Variants in ICA1L observed in about 807,000 individuals in gnomAD.
The protein encoded by ICA1L is islet cell autoantigen 1 like.
Under a neutral mutation model 61.3 loss-of-function variants are expected in ICA1L, and 50 were observed. That is an observed-to-expected ratio of 0.82 (90% confidence interval 0.65 to 1.03). The LOEUF (loss-of-function observed/expected upper bound fraction) is 1.03. ICA1L is among the 50% of genes least tolerant of loss of function. The pLI is 0.00. For synonymous variants in ICA1L, 161 were observed against 191.3 expected, an observed-to-expected ratio of 0.84 and a Z score of 1.31; for missense variants, 508 against 556.7, an observed-to-expected ratio of 0.91 and a Z score of 0.88.
At chr2:202,826,716 T>C (rs1281427633) in intron 2 of ICA1L, among the ~76,000 whole-genome samples, 1 of 152,020 alleles carries the variant, frequency 6.6e-6, no homozygotes, top group Non-Finnish European at 1.5e-5. Context: ...GTGATCCACC[T>C]GCCTCAGCCT....
At chr2:202,865,258 C>T (rs1687462579) in intron 1 of ICA1L, among the ~76,000 whole-genome samples, 1 of 151,816 alleles carries the variant, frequency 6.6e-6, no homozygotes, top group Admixed American at 6.6e-5. Flanking sequence ...CACTTGAGGT[C>T]AGGGGTTCAA....
chr2:202,799,878 C>CTTTT (rs768203103), intron 9 of ICA1L, among the ~76,000 whole-genome samples: 1 of 133,952 alleles, frequency 7.5e-6, no homozygotes, highest in Non-Finnish European at 1.6e-5. Context: ...CTGCTTTATA[C>CTTTT]TTTTTTTTTT....
Position 202,773,946 on chromosome 2 carries a change from C to CGCT in ICA1L, c.*5584_*5586dup. 8.9e-7 allele frequency: 1 copy of CGCT among 1,120,574 alleles called. No individual in the cohort carries two copies. The highest frequency in any genetic ancestry group is 1.4e-5 in the South Asian group (1 of 70,612). The allele number at this position is 1,120,574 out of a possible 1,614,324, so 69.4% of individuals were successfully genotyped here. A position where few individuals can be genotyped will look rare whatever the true frequency, so the allele number is the denominator to read the frequency against. On this transcript the variant is annotated 3_prime_UTR_variant, in exon 13 of 13. Transcript: ENST00000358299. ...AAGAGACAGAAAGATTCTTCTCTTC[C>CGCT]GCTTATTACTTGCCACTGTGTTTTA...
intron 1 of ICA1L, among the ~76,000 whole-genome samples, chr2:202,847,706 T>C (rs959778409): frequency 7.6e-6 from 1 of 132,068 alleles, no homozygotes; most frequent in Non-Finnish European, 1.7e-5. Context: ...TATATATATA[T>C]ATAGTTAAGC....
intron 6 of ICA1L, among the ~76,000 whole-genome samples, chr2:202,816,817 C>G (rs906515130): frequency 6.6e-6 from 1 of 152,134 alleles, no homozygotes; most frequent in African/African-American, 2.4e-5. Flanking sequence ...ATAGCTGCTA[C>G]TTATTAATAT....
intron 9 of ICA1L, among the ~76,000 whole-genome samples, chr2:202,797,860 C>A (rs1317916700): frequency 6.6e-6 from 1 of 152,134 alleles, no homozygotes; most frequent in East Asian, 1.9e-4. Context: ...TTATTAAATA[C>A]AGTCACCACG....
chr2:202,784,025 A>G (rs920550289), intron 12 of ICA1L, among the ~76,000 whole-genome samples: 18 of 152,314 alleles, frequency 1.2e-4, no homozygotes, highest in African/African-American at 4.3e-4. Flanking sequence ...TAAGTCTGAA[A>G]TTATTTCAAA....
chr2:202,852,488 G>A (rs111924365), intron 1 of ICA1L, among the ~76,000 whole-genome samples: 14 of 151,064 alleles, frequency 9.3e-5, no homozygotes, highest in African/African-American at 3.2e-4. Flanking sequence ...GGCTAACATG[G>A]TGAAACCCTG....
intron 8 of ICA1L, among the ~76,000 whole-genome samples, chr2:202,813,199 G>A (rs910938194): frequency 1.3e-5 from 2 of 151,374 alleles, no homozygotes; most frequent in African/African-American, 4.9e-5. Context: ...GGGGGAGGTG[G>A]CAGTGAGCTG....
rs1692940574 is a variant in ICA1L, at chr2:202,796,835, T to A, written c.985+55A>T. The A allele has an allele frequency of 2.7e-6, 3 of 1,095,506 alleles. No homozygotes were observed. The Admixed American group carries it at 7.1e-5, about 26-fold the overall frequency. The allele number at this position is 1,095,506 out of a possible 1,614,324, so 67.9% of individuals were successfully genotyped here. Reference sequence around the variant, plus strand: ...TAATGTTAAGGAAATAAATGTTAAATAAAAATTGAAGAATTTTAAAGAATC... The same window carrying A: ...TAATGTTAAGGAAATAAATGTTAAAAAAAAATTGAAGAATTTTAAAGAATC... On this transcript the variant is annotated intron_variant, in intron 10 of 12. Coordinates refer to ENST00000358299, the MANE Select transcript of ICA1L (RefSeq NM_001288622.3).
rs1191440590 is a variant in ICA1L at position 202,774,433 on chromosome 2, C to G, written c.*5100G>C. 2.9e-6 allele frequency: 2 copies of G among 697,032 alleles called. No homozygotes were observed. The highest frequency in any genetic ancestry group is 2.1e-6 in the Non-Finnish European group (1 of 475,458). The allele number at this position is 697,032 out of a possible 1,614,324, so 43.2% of individuals were successfully genotyped here. A position where few individuals can be genotyped will look rare whatever the true frequency, so the allele number is the denominator to read the frequency against. The stretch of plus-strand genomic sequence containing the variant: ...AGGGTCGAGCCCCTGGCTCCCCGTT[C>G]GTCCAGGCCAGCTCAAGAAACAACT... On this transcript the variant is annotated 3_prime_UTR_variant, in exon 13 of 13. Coordinates refer to ENST00000358299, the MANE Select transcript of ICA1L (RefSeq NM_001288622.3).
chr2:202,779,706 T>C (rs1692334641), intron 12 of ICA1L, 58 bp from the exon 13 acceptor site: 1 of 1,009,992 alleles, frequency 9.9e-7, no homozygotes, highest in Non-Finnish European at 1.5e-6. Context: ...CATGTTTTTG[T>C]ACCATATTTA....
chr2:202,858,151 C>T (rs1694815763), intron 1 of ICA1L, among the ~76,000 whole-genome samples: 1 of 152,130 alleles, frequency 6.6e-6, no homozygotes, highest in Non-Finnish European at 1.5e-5. Context: ...AATCATTCTA[C>T]TATAAAGACA....
chr2:202,829,142 A>C (rs958743308), intron 1 of ICA1L, 126 bp from the exon 2 acceptor site: 2 of 613,254 alleles, frequency 3.3e-6, no homozygotes, highest in Non-Finnish European at 5.4e-6. Context: ...CGGTCATGAG[A>C]TCGAGACCAT....
intron 3 of ICA1L, among the ~76,000 whole-genome samples, chr2:202,824,184 C>T (rs1370647699): frequency 1.3e-5 from 2 of 151,980 alleles, no homozygotes; most frequent in South Asian, 2.1e-4. Context: ...GGGTGGATCA[C>T]GAGGATAGGA....
At chr2:202,803,729 T>C (rs937861833) in intron 9 of ICA1L, among the ~76,000 whole-genome samples, 1 of 152,072 alleles carries the variant, frequency 6.6e-6, no homozygotes, top group Admixed American at 6.5e-5. Flanking sequence ...GGTTTCACCA[T>C]GTTGCCCAGG....
In ICA1L at chr2:202,776,952, CAT is replaced by C. The variant is rs2105809848; in HGVS notation, c.*2579_*2580del. On this transcript the variant is annotated 3_prime_UTR_variant, in exon 13 of 13. Coordinates refer to ENST00000358299, the MANE Select transcript of ICA1L (RefSeq NM_001288622.3). ...TCGATAACAGGGACTTCCTTGCACACATGTGAGGGAGATAAATATCTCAGAAC... is the reference window on the plus strand; with the variant it reads ...TCGATAACAGGGACTTCCTTGCACACGTGAGGGAGATAAATATCTCAGAAC... The C allele has an allele frequency of 6.7e-6, 1 of 149,506 alleles. No individual in the cohort carries two copies. Among genetic ancestry groups the C allele is most frequent in the East Asian group, 2.0e-4 (1 of 5,032 alleles). 9.3% of individuals were successfully genotyped at this position (149,506 alleles called of 1,614,324 possible).
chr2:202,793,584 A>AGGGAGAACTGCTTGAACCT (rs1692824901), intron 10 of ICA1L, among the ~76,000 whole-genome samples: 2 of 145,758 alleles, frequency 1.4e-5, no homozygotes, highest in Non-Finnish European at 3.0e-5. Flanking sequence ...AGGCTGAGCC[A>AGGGAGAACTGCTTGAACCT]GGGAGAACTG....
intron 1 of ICA1L, among the ~76,000 whole-genome samples, chr2:202,851,496 G>T (rs1377174846): frequency 6.6e-6 from 1 of 152,184 alleles, no homozygotes; most frequent in African/African-American, 2.4e-5. Flanking sequence ...CTTTATAGCA[G>T]CATGATTTAT....
Sources: allele counts gnomAD v4.1 joint callset (sites outside exome capture counted in the v4.1 genomes callset), GRCh38; gene constraint gnomAD v4.1.1; transcripts MANE v1.5; gene names NCBI Gene and HGNC (gene_info 2026-07-23, HGNC 2026-07-21).